The following ERGIC1 variants were observed in gnomAD, a reference collection of about 807,000 sequenced individuals.
ERGIC1 encodes the protein endoplasmic reticulum-golgi intermediate compartment 1.
A neutral mutation model predicts 38.3 loss-of-function variants in ERGIC1; 19 were observed. The ratio of observed to expected loss-of-function variants is 0.50; its 90% CI spans 0.35 to 0.73. ERGIC1 has a LOEUF of 0.73. ERGIC1 is among the 30% of genes least tolerant of loss of function. The probability of loss-of-function intolerance (pLI) is 0.01; values close to 1 mark genes in which losing one functional copy is unlikely to be tolerated. For missense variants in ERGIC1, 294 were observed against 389.2 expected (o/e 0.76, Z 2.06); for synonymous variants, 124 against 157.6 (o/e 0.79, Z 1.60).
intron 1 of ERGIC1, among the ~76,000 whole-genome samples, chr5:172,855,076 C>T (rs1034176678): frequency 2.0e-5 from 3 of 152,220 alleles, no homozygotes; most frequent in African/African-American, 4.8e-5. Flanking sequence ...CTCCTTCAGA[C>T]ACCTACCTGG....
chr5:172,881,708 C>T (rs1018147848), intron 1 of ERGIC1, among the ~76,000 whole-genome samples: 5 of 152,214 alleles, frequency 3.3e-5, no homozygotes, highest in African/African-American at 7.2e-5. Flanking sequence ...AGATCTCTGC[C>T]GTGGCACTTC....
At chr5:172,906,255 T>C (rs1022964100) in intron 3 of ERGIC1, 6 of 445,546 alleles carry the variant, frequency 1.3e-5, no homozygotes, top group African/African-American at 6.0e-5. Flanking sequence ...TTGACCCTGA[T>C]GCTGAGGAGA....
intron 1 of ERGIC1, among the ~76,000 whole-genome samples, chr5:172,853,357 C>T (rs1274660729): frequency 2.0e-5 from 3 of 152,156 alleles, no homozygotes; most frequent in Non-Finnish European, 2.9e-5. Context: ...CAACGGCTCC[C>T]GTGGTGGGGG....
intron 1 of ERGIC1, among the ~76,000 whole-genome samples, chr5:172,861,926 G>A (rs1400786535): frequency 4.6e-5 from 7 of 152,084 alleles, no homozygotes; most frequent in Non-Finnish European, 7.4e-5. Context: ...TCAAGGCCTC[G>A]CTTTGTCCAC....
intron 5 of ERGIC1, among the ~76,000 whole-genome samples, chr5:172,919,329 C>A (rs958196129): frequency 6.6e-6 from 1 of 152,190 alleles, no homozygotes. Context: ...CCCCCGCCCC[C>A]GGGGAGATGC....
In ERGIC1 at chr5:172,853,175, G is replaced by A. The variant is rs73803641; in HGVS notation, c.20+18742G>A. Among the ~76,000 whole-genome samples, 908 of 152,324 alleles carry A rather than the reference G, an allele frequency of 6.0e-3. 10 individuals are homozygous for A. Among genetic ancestry groups the A allele is most frequent in the African/African-American group, 0.021 (862 of 41,576 alleles). On this transcript the variant is annotated intron_variant, in intron 1 of 9. Transcript: ENST00000393784. ...CTGTTGTTGCCTGGAAAGGTATTGC[G>A]CAGGATGCCATGTGGTATGATGTCC... is the stretch of plus-strand genomic sequence containing the variant.
At chr5:172,874,294 T>C (rs889582638) in intron 1 of ERGIC1, among the ~76,000 whole-genome samples, 1 of 152,048 alleles carries the variant, frequency 6.6e-6, no homozygotes, top group African/African-American at 2.4e-5. Flanking sequence ...TTGGCCAGGC[T>C]GGTCTTGAAC....
At chr5:172,857,931 T>C (rs190759653) in intron 1 of ERGIC1, among the ~76,000 whole-genome samples, 37 of 152,344 alleles carry the variant, frequency 2.4e-4, no homozygotes, top group African/African-American at 8.9e-4. Context: ...TACTGGTCAC[T>C]GTGCCAGGCA....
At chr5:172,904,991 C>T (rs1488125117) in intron 3 of ERGIC1, among the ~76,000 whole-genome samples, 1 of 152,186 alleles carries the variant, frequency 6.6e-6, no homozygotes, top group African/African-American at 2.4e-5. Context: ...GGAGCCTGTT[C>T]TCTGCTTATT....
At chr5:172,933,262 C>T (rs1426374440) in intron 8 of ERGIC1, 2 of 152,260 alleles carry the variant, frequency 1.3e-5, no homozygotes, top group Non-Finnish European at 2.9e-5. Flanking sequence ...CTGCCCAAAC[C>T]CCTTATAAGT....
Position 172,915,254 on chromosome 5 carries a change from G to A in ERGIC1, c.375+416G>A, listed in dbSNP as rs943583004. The A allele has an allele frequency of 6.8e-6, 4 of 592,488 alleles. No individual in the cohort carries two copies. In the African/African-American group the frequency reaches 7.4e-5, roughly 11 times the overall value. 36.7% of individuals were successfully genotyped at this position (592,488 alleles called of 1,614,324 possible). ...CACAAAGTTTGTGTGGGGATTAAAT[G>A]AGCTAATGCAGATTCATTCATTCAG... On this transcript the variant is annotated intron_variant, in intron 5 of 9. Transcript: ENST00000393784.
rs116150003 is a variant in ERGIC1, at chr5:172,943,740, C to G, written c.766-6969C>G. Among the ~76,000 whole-genome samples the G allele has an allele frequency of 3.8e-3, 573 of 152,268 alleles. 6 individuals are homozygous for G. Among genetic ancestry groups the G allele is most frequent in the African/African-American group, 0.013 (545 of 41,548 alleles). On this transcript the variant is annotated intron_variant, in intron 9 of 9. Coordinates refer to ENST00000393784, the MANE Select transcript of ERGIC1 (RefSeq NM_001031711.3). Reference sequence around the variant, plus strand: ...GTGTTTACTCCAAAGCCCACAATCTCGCCTCCCACGGCGGTGTGTATGGTG... The same window carrying G: ...GTGTTTACTCCAAAGCCCACAATCTGGCCTCCCACGGCGGTGTGTATGGTG...
At chr5:172,853,546 G>A (rs548241841) in intron 1 of ERGIC1, among the ~76,000 whole-genome samples, 4 of 152,284 alleles carry the variant, frequency 2.6e-5, no homozygotes, top group Non-Finnish European at 5.9e-5. Context: ...GGCTTACAGA[G>A]TCAGTCTGCG....
chr5:172,950,864 G>C lies in ERGIC1; in HGVS notation c.*48G>C. The C allele has an allele frequency of 2.0e-6, 3 of 1,522,824 alleles. No individual in the cohort carries two copies. Among genetic ancestry groups the C allele is most frequent in the Non-Finnish European group, 2.7e-6 (3 of 1,112,750 alleles). The allele number at this position is 1,522,824 out of a possible 1,614,324, so 94.3% of individuals were successfully genotyped here. On this transcript the variant is annotated 3_prime_UTR_variant, in exon 10 of 10. Transcript: ENST00000393784. ...GAGGACCCTGGGCATCGCCAGCCTTGCCTCCAGTGCCCTGTCTCCTTTGGC... is the reference window on the plus strand; with the variant it reads ...GAGGACCCTGGGCATCGCCAGCCTTCCCTCCAGTGCCCTGTCTCCTTTGGC...
chr5:172,870,254 T>C (rs376580192), intron 1 of ERGIC1, among the ~76,000 whole-genome samples: 9 of 152,338 alleles, frequency 5.9e-5, no homozygotes, highest in African/African-American at 2.2e-4. Flanking sequence ...TGATTTTACC[T>C]AATTCCCCAG....
At chr5:172,932,654 C>T (rs1763804971) in intron 8 of ERGIC1, 118 bp downstream of exon 8, 5 of 1,032,182 alleles carry the variant, frequency 4.8e-6, no homozygotes, top group Non-Finnish European at 7.2e-6. Flanking sequence ...GGAGGCCTTT[C>T]CTGGGGGTTA....
Position 172,932,340 on chromosome 5 carries a change from G to T in ERGIC1, c.542-96G>T. The stretch of plus-strand genomic sequence containing the variant: ...AAAACTGGGGAATGAGCCCCCTGCC[G>T]TGCCCAGGGAATTTAGGCTTAGGAT... On this transcript the variant is annotated intron_variant, in intron 7 of 9. Coordinates refer to ENST00000393784, the MANE Select transcript of ERGIC1 (RefSeq NM_001031711.3). 5 of 1,252,290 alleles carry T rather than the reference G, an allele frequency of 4.0e-6. No homozygotes were observed. In the South Asian group the frequency reaches 6.5e-5, roughly 16 times the overall value. 77.6% of individuals were successfully genotyped at this position (1,252,290 alleles called of 1,614,324 possible). A position where few individuals can be genotyped will look rare whatever the true frequency, so the allele number is the denominator to read the frequency against.
intron 9 of ERGIC1, among the ~76,000 whole-genome samples, chr5:172,938,878 A>G (rs1002161306): frequency 6.6e-6 from 1 of 152,070 alleles, no homozygotes; most frequent in Non-Finnish European, 1.5e-5. Context: ...CCTGACCAAC[A>G]TTGTGAAACC....
intron 1 of ERGIC1, among the ~76,000 whole-genome samples, chr5:172,885,926 C>T (rs186726033): frequency 6.6e-6 from 1 of 152,258 alleles, no homozygotes; most frequent in Non-Finnish European, 1.5e-5. Context: ...GGTGAACTTC[C>T]ATGTAAAATT....
Sources: allele counts gnomAD v4.1 joint callset (sites outside exome capture counted in the v4.1 genomes callset), GRCh38; gene constraint gnomAD v4.1.1; transcripts MANE v1.5; gene names NCBI Gene and HGNC (gene_info 2026-07-23, HGNC 2026-07-21).